Variants in CCDC18 observed in about 807,000 individuals in gnomAD.
CCDC18 encodes the protein coiled-coil domain-containing protein 18.
Under a neutral mutation model 196.0 loss-of-function variants are expected in CCDC18, and 157 were observed. That is an observed-to-expected ratio of 0.80 (90% CI 0.70 to 0.91). The LOEUF (loss-of-function observed/expected upper bound fraction) is 0.91, where lower values mean the gene tolerates loss of function less well. Among genes scored for constraint, CCDC18 ranks in the 40% least tolerant of loss-of-function variants. The pLI, the probability that CCDC18 is intolerant of heterozygous loss-of-function variation, is 0.00. For missense variants in CCDC18, 1,465 were observed against 1,611.6 expected (o/e 0.91, Z 1.56); for synonymous variants, 482 against 529.2 (o/e 0.91, Z 1.22).
In CCDC18 at chr1:93,192,754, T is replaced by C. The variant is rs76373495; in HGVS notation, c.569+648T>C. Reference sequence around the variant, plus strand: ...TGCCTTGCCATCAGGCACTTTATAATTTATTCTCTTCTGCTTTGAATAAAA... The same window carrying C: ...TGCCTTGCCATCAGGCACTTTATAACTTATTCTCTTCTGCTTTGAATAAAA... On this transcript the variant is annotated intron_variant, in intron 5 of 28. Coordinates refer to ENST00000690025, the MANE Select transcript of CCDC18 (RefSeq NM_001378204.1). 1.0e-2 allele frequency among the ~76,000 whole-genome samples: 1,521 copies of C among 152,348 alleles called. 17 individuals carry two copies. The highest frequency in any genetic ancestry group is 0.013 in the Non-Finnish European group (878 of 68,026).
At chr1:93,248,972 C>T (rs1483535110) in intron 23 of CCDC18, among the ~76,000 whole-genome samples, 1 of 95,760 alleles carries the variant, frequency 1.0e-5, no homozygotes, top group Non-Finnish European at 2.2e-5. Flanking sequence ...AACCCTGTCT[C>T]AAAAAAAAAA....
intron 6 of CCDC18, among the ~76,000 whole-genome samples, chr1:93,196,993 A>G (rs1226641723): frequency 6.6e-6 from 1 of 152,230 alleles, no homozygotes; most frequent in Non-Finnish European, 1.5e-5. Flanking sequence ...GATATAAAAA[A>G]TGCACATCAC....
chr1:93,247,706 A>C (rs1471793652), intron 23 of CCDC18, among the ~76,000 whole-genome samples: 1 of 151,828 alleles, frequency 6.6e-6, no homozygotes, highest in Non-Finnish European at 1.5e-5. Context: ...ATGAGACACC[A>C]CGCCAGCCCT....
At chr1:93,240,623 G>A (rs1660639745) in intron 21 of CCDC18, among the ~76,000 whole-genome samples, 1 of 152,106 alleles carries the variant, frequency 6.6e-6, no homozygotes, top group African/African-American at 2.4e-5. Flanking sequence ...TCAGTGTAGG[G>A]CCTCCTTCTC....
chr1:93,196,915 A>C (rs1399682964), intron 6 of CCDC18, among the ~76,000 whole-genome samples: 1 of 152,200 alleles, frequency 6.6e-6, no homozygotes, highest in Non-Finnish European at 1.5e-5. Flanking sequence ...AACCAGGCTT[A>C]CTGGTGTTCA....
intron 28 of CCDC18, among the ~76,000 whole-genome samples, chr1:93,274,186 C>T (rs1022829737): frequency 6.6e-6 from 1 of 151,902 alleles, no homozygotes; most frequent in Non-Finnish European, 1.5e-5. Context: ...AGGTGGATCA[C>T]GAGGTCAGGA....
chr1:93,194,410 AGCAATTTT>A lies in CCDC18; in HGVS notation c.698+690_698+697del, dbSNP rs200273571. 8.5e-3 allele frequency among the ~76,000 whole-genome samples: 1,287 copies of A among 152,304 alleles called. 13 individuals are homozygous for A. The highest frequency in any genetic ancestry group is 0.018 in the African/African-American group (754 of 41,574). On this transcript the variant is annotated intron_variant, in intron 6 of 28. Transcript: ENST00000690025. ...CAGTATAAAGTCATAATCTGTACTA[AGCAATTTT>A]GCAATTTTGCAATTTTGCAATTTGC...
chr1:93,180,781 CA>C lies in CCDC18; in HGVS notation c.-73del. The C allele has an allele frequency of 7.3e-7, 1 of 1,367,742 alleles. No homozygotes were observed. The allele number at this position is 1,367,742 out of a possible 1,614,324, so 84.7% of individuals were successfully genotyped here. A position where few individuals can be genotyped will look rare whatever the true frequency, so the allele number is the denominator to read the frequency against. ...TTCTCCGAGTTGTGTCCGAGGCTTCCACGCGCAGGGGCCCGGGAAAGGGTCA... is the reference window on the plus strand; with the variant it reads ...TTCTCCGAGTTGTGTCCGAGGCTTCCCGCGCAGGGGCCCGGGAAAGGGTCA... On this transcript the variant is annotated 5_prime_UTR_variant, in exon 1 of 29. Transcript: ENST00000690025.
At chr1:93,224,078 T>C (rs1305056121) in intron 16 of CCDC18, among the ~76,000 whole-genome samples, 1 of 152,190 alleles carries the variant, frequency 6.6e-6, no homozygotes, top group African/African-American at 2.4e-5. Context: ...CTATAATTGA[T>C]TTATTTCTAA....
intron 19 of CCDC18, among the ~76,000 whole-genome samples, chr1:93,238,286 C>G: frequency 6.6e-6 from 1 of 152,108 alleles, no homozygotes; most frequent in Non-Finnish European, 1.5e-5. Context: ...GTCATTAGCA[C>G]TCATCTAATC....
At chr1:93,188,508 C>T (rs1651109944) in intron 4 of CCDC18, among the ~76,000 whole-genome samples, 2 of 152,216 alleles carry the variant, frequency 1.3e-5, no homozygotes, top group Admixed American at 1.3e-4. Flanking sequence ...ATTTCTTCTT[C>T]ACTCGTGATT....
chr1:93,198,030 T>C (rs978438255), intron 6 of CCDC18, among the ~76,000 whole-genome samples: 9 of 152,020 alleles, frequency 5.9e-5, no homozygotes, highest in Admixed American at 2.0e-4. Context: ...GGATTACAGG[T>C]GTGAGCCACC....
chr1:93,257,650 T>C (rs1414474728), intron 25 of CCDC18, among the ~76,000 whole-genome samples: 1 of 152,118 alleles, frequency 6.6e-6, no homozygotes, highest in Non-Finnish European at 1.5e-5. Context: ...AAAGCATACA[T>C]AGAGAATGTT....
At chr1:93,180,164 C>T, upstream of CCDC18, 1 of 1,613,240 alleles carries the variant, frequency 6.2e-7, no homozygotes, top group Non-Finnish European at 8.5e-7. Context: ...GGTGTGAAGC[C>T]GGCCGCCCCA....
At chr1:93,180,562 G>A, upstream of CCDC18, 1 of 1,452,224 alleles carries the variant, frequency 6.9e-7, no homozygotes, top group Non-Finnish European at 9.2e-7. Flanking sequence ...CATCATGGCG[G>A]TAATTGTGGG....
Position 93,201,885 on chromosome 1 carries a change from A to G in CCDC18, c.699-7A>G. 1 of 1,553,930 alleles carries G rather than the reference A, an allele frequency of 6.4e-7. No individual in the cohort carries two copies. The highest frequency in any genetic ancestry group is 8.7e-7 in the Non-Finnish European group (1 of 1,147,880). ...ACTTTTATTCATTATCTCTTTTTAAATTTTAGAGCTGAACGACAAAGGAAT... is the reference window on the plus strand; with the variant it reads ...ACTTTTATTCATTATCTCTTTTTAAGTTTTAGAGCTGAACGACAAAGGAAT... On this transcript the variant is annotated splice_polypyrimidine_tract_variant and splice_region_variant and intron_variant, in intron 6 of 28. Coordinates refer to ENST00000690025, the MANE Select transcript of CCDC18 (RefSeq NM_001378204.1).
chr1:93,255,399 T>C (rs1222353161), intron 24 of CCDC18, among the ~76,000 whole-genome samples: 1 of 152,190 alleles, frequency 6.6e-6, no homozygotes, highest in East Asian at 1.9e-4. Flanking sequence ...TGCATGTGTG[T>C]TGACTGGTGA....
chr1:93,270,275 A>G (rs1296613647), intron 27 of CCDC18, 72 bp from the exon 28 acceptor site: 5 of 821,786 alleles, frequency 6.1e-6, no homozygotes, highest in East Asian at 2.7e-5. Context: ...CTAAAAGTCT[A>G]TGATTTTCTA....
intron 28 of CCDC18, chr1:93,271,108 A>T (rs993962492): frequency 8.1e-5 from 80 of 983,882 alleles, no homozygotes; most frequent in Admixed American, 2.5e-4. Flanking sequence ...ACTGAAAAAA[A>T]GAAAAATGGT....
Sources: gnomAD v4.1 joint callset for allele counts (sites outside exome capture counted in the v4.1 genomes callset) on GRCh38, gnomAD v4.1.1 for gene constraint, MANE v1.5 for transcripts, NCBI Gene and HGNC (gene_info 2026-07-23, HGNC 2026-07-21) for gene names.